ENTPD6: variants seen among roughly 807,000 people sequenced by gnomAD.
ENTPD6 encodes the protein CD39 antigen-like 2.
A neutral mutation model predicts 61.5 loss-of-function variants in ENTPD6; 46 were observed. The observed-to-expected ratio is 0.75, with a 90% confidence interval of 0.59 to 0.96. The LOEUF is 0.96. ENTPD6 is among the 40% of genes least tolerant of loss of function. ENTPD6 has a pLI of 0.00. For synonymous variants in ENTPD6, 252 were observed against 255.5 expected (o/e 0.99, Z 0.13); for missense variants, 612 against 629.0 (o/e 0.97, Z 0.29).
At chr20:25,213,488 C>T in intron 5 of ENTPD6, 82 bp downstream of exon 5, 2 of 1,424,858 alleles carry the variant, frequency 1.4e-6, no homozygotes, top group Non-Finnish European at 1.9e-6. Flanking sequence ...CTCACCAGTG[C>T]CGCACCATCA....
chr20:25,212,688 T>C (rs6138539), intron 4 of ENTPD6, among the ~76,000 whole-genome samples: 17,650 of 152,060 alleles, frequency 0.12, 1,225 homozygotes, highest in East Asian at 0.31. Flanking sequence ...ACAGCGTCTC[T>C]ATAAGAAGTT....
At chr20:25,223,249 G>A (rs772959369) in intron 12 of ENTPD6, among the ~76,000 whole-genome samples, 3 of 152,166 alleles carry the variant, frequency 2.0e-5, no homozygotes, top group African/African-American at 4.8e-5. Context: ...ACTGGCCCAC[G>A]TTGTCTCAGA....
chr20:25,205,414 G>A (rs1387254314), intron 1 of ENTPD6, among the ~76,000 whole-genome samples: 1 of 152,208 alleles, frequency 6.6e-6, no homozygotes, highest in African/African-American at 2.4e-5. Flanking sequence ...AGGGGCCTGA[G>A]GCAGGGAGAG....
chr20:25,206,467 T>C (rs1035049032), intron 1 of ENTPD6, 55 bp from the exon 2 acceptor site: 29 of 1,351,434 alleles, frequency 2.1e-5, no homozygotes, highest in Non-Finnish European at 3.0e-5. Context: ...TTTGCTACTC[T>C]AGTAGAATTT....
chr20:25,216,797 G>T (rs2092341872), intron 8 of ENTPD6, 61 bp downstream of exon 8: 2 of 1,273,606 alleles, frequency 1.6e-6, no homozygotes, highest in African/African-American at 1.5e-5. Context: ...CCATGGGGGT[G>T]CAGGGTGGGG....
At chr20:25,197,905 G>A (rs77932445) in intron 1 of ENTPD6, among the ~76,000 whole-genome samples, 9,956 of 152,156 alleles carry the variant, frequency 0.065, 360 homozygotes, top group Middle Eastern at 0.095. Context: ...TCAATTTGGG[G>A]ACTGAAGCCA....
intron 1 of ENTPD6, among the ~76,000 whole-genome samples, chr20:25,205,329 G>C (rs1166231631): frequency 1.3e-5 from 2 of 152,208 alleles, no homozygotes; most frequent in African/African-American, 2.4e-5. Context: ...TGACATTTCA[G>C]TGGAGGTTTC....
At chr20:25,224,282 G>T in intron 13 of ENTPD6, 125 bp downstream of exon 13, 1 of 755,524 alleles carries the variant, frequency 1.3e-6, no homozygotes. Context: ...CAGGGGCCTC[G>T]GCCCCAGCTG....
At chr20:25,215,036 G>A (rs1451182884) in intron 6 of ENTPD6, 94 bp downstream of exon 6, 21 of 814,208 alleles carry the variant, frequency 2.6e-5, no homozygotes, top group Admixed American at 7.4e-5. Flanking sequence ...ACCCCTCCCC[G>A]CCCCATGTGG....
At chr20:25,202,139 G>T (rs1051560410) in intron 1 of ENTPD6, among the ~76,000 whole-genome samples, 6 of 152,182 alleles carry the variant, frequency 3.9e-5, no homozygotes, top group Non-Finnish European at 1.5e-5. Flanking sequence ...TTTATTAAGT[G>T]GAAGTGGATT....
At chr20:25,201,067 C>T (rs543531477) in intron 1 of ENTPD6, among the ~76,000 whole-genome samples, 1 of 152,316 alleles carries the variant, frequency 6.6e-6, no homozygotes, top group East Asian at 1.9e-4. Context: ...TTCTTTGACT[C>T]TTCAGTTGTT....
chr20:25,200,412 G>A (rs1444975215), intron 1 of ENTPD6, among the ~76,000 whole-genome samples: 1 of 152,080 alleles, frequency 6.6e-6, no homozygotes, highest in African/African-American at 2.4e-5. Context: ...TTGCTGGGTA[G>A]AAGCCATTTA....
intron 8 of ENTPD6, 84 bp downstream of exon 8, chr20:25,216,820 C>T: frequency 6.4e-6 from 3 of 467,924 alleles, no homozygotes; most frequent in South Asian, 5.5e-5. Context: ...TGCTGAGGTG[C>T]TGCGGGGTGG....
rs189155525 is a variant in ENTPD6 at position 25,215,097 on chromosome 20, C to T, written c.673+155C>T. ...AAGTAAAGAATCATGGCTGTTACAG[C>T]CCCGTTCTGATTCACAATTGACATG... On this transcript the variant is annotated intron_variant, in intron 6 of 14. Coordinates refer to ENST00000376652, the MANE Select transcript of ENTPD6 (RefSeq NM_001247.5). Among the ~76,000 whole-genome samples the T allele has an allele frequency of 4.8e-3, 732 of 152,300 alleles. 7 individuals carry two copies. The highest frequency in any genetic ancestry group is 0.017 in the African/African-American group (688 of 41,554).
Position 25,222,927 on chromosome 20 carries a change from T to G in ENTPD6, c.1135T>G (p.Phe379Val). ...HRTEEVKHVD[F>V]YAFSYYYDLA... is the part of the protein sequence containing the mutation. ...GACGGAGGAAGTGAAGCATGTGGAC[T>G]TCTATGCTTTCTCCTACTATTACGA... Residue 379 changes from phenylalanine to valine, a missense_variant, in exon 12 of 15, where the codon TTC (phenylalanine) becomes GTC (valine). Phe to Val is a conservative substitution (Grantham distance 50, BLOSUM62 -1). Coordinates refer to ENST00000376652, the MANE Select transcript of ENTPD6 (RefSeq NM_001247.5). 1 of 1,614,084 alleles carries G rather than the reference T, an allele frequency of 6.2e-7. No individual in the cohort carries two copies. Among genetic ancestry groups the G allele is most frequent in the Non-Finnish European group, 8.5e-7 (1 of 1,180,004 alleles).
At chr20:25,221,090 G>T in intron 10 of ENTPD6, 142 bp from the exon 11 acceptor site, 1 of 628,358 alleles carries the variant, frequency 1.6e-6, no homozygotes, top group Non-Finnish European at 2.8e-6. Context: ...TCCCAGGGAG[G>T]TGTTGCCTTC....
chr20:25,214,836 A>G (rs767800136), intron 5 of ENTPD6, 31 bp from the exon 6 acceptor site: 2 of 1,201,556 alleles, frequency 1.7e-6, no homozygotes, highest in South Asian at 1.2e-5. Flanking sequence ...TTCATTCTAA[A>G]GGATGAAGTA....
chr20:25,199,405 C>G (rs771084109), intron 1 of ENTPD6, among the ~76,000 whole-genome samples: 1 of 152,226 alleles, frequency 6.6e-6, no homozygotes, highest in Non-Finnish European at 1.5e-5. Flanking sequence ...CCCCATCCCT[C>G]ACCCCACAGA....
chr20:25,213,175 C>A, intron 4 of ENTPD6, 88 bp from the exon 5 acceptor site: 2 of 1,530,026 alleles, frequency 1.3e-6, no homozygotes, highest in South Asian at 2.3e-5. Flanking sequence ...TCTCCAGAAA[C>A]CAAAAAAACC....
Sources: allele counts gnomAD v4.1 joint callset (sites outside exome capture counted in the v4.1 genomes callset), GRCh38; gene constraint gnomAD v4.1.1; transcripts MANE v1.5; gene names NCBI Gene and HGNC (gene_info 2026-07-23, HGNC 2026-07-21).